The following RBFOX1 variants were observed in gnomAD, a reference collection of about 807,000 sequenced individuals.
RBFOX1 encodes the protein RNA binding fox-1 homolog 1, also known as RNA binding protein fox-1 homolog 1.
In RBFOX1, 8 loss-of-function variants were observed where a neutral mutation model predicts 57.7. The observed-to-expected ratio is 0.14, with a 90% CI of 0.08 to 0.25. The LOEUF is 0.25. Ranked by LOEUF, RBFOX1 falls within the 10% of genes least tolerant of loss-of-function variation. The pLI is 1.00. For missense variants in RBFOX1, 611 were observed against 548.5 expected (o/e 1.11, Z -1.14); for synonymous variants, 326 against 222.4 (o/e 1.47, Z -4.15).
intron 2 of RBFOX1, among the ~76,000 whole-genome samples, chr16:6,549,679 G>A (rs76892929): frequency 0.018 from 2,746 of 152,106 alleles, 82 homozygotes; most frequent in African/African-American, 0.062. Flanking sequence ...ATCCCTAGAC[G>A]ATAGGGCTGG....
chr16:7,218,252 T>C (rs549290286), intron 4 of RBFOX1, among the ~76,000 whole-genome samples: 1 of 152,314 alleles, frequency 6.6e-6, no homozygotes, highest in South Asian at 2.1e-4. Context: ...CATCTGAAAA[T>C]CACTATTCTC....
intron 4 of RBFOX1, among the ~76,000 whole-genome samples, chr16:5,909,412 T>A (rs1479693391): frequency 5.3e-5 from 8 of 151,960 alleles, no homozygotes; most frequent in Admixed American, 2.0e-4. Context: ...CTAAAAAAAA[T>A]AAAATAAAAT....
chr16:6,641,166 C>T (rs550428138), intron 2 of RBFOX1, among the ~76,000 whole-genome samples: 5 of 152,220 alleles, frequency 3.3e-5, no homozygotes, highest in Admixed American at 2.6e-4. Flanking sequence ...ATAATTACCC[C>T]GTAATCTTGT....
chr16:7,579,290 C>T (rs1003818553), intron 5 of RBFOX1, among the ~76,000 whole-genome samples: 2 of 152,184 alleles, frequency 1.3e-5, no homozygotes, highest in African/African-American at 4.8e-5. Flanking sequence ...TTTATCTGCA[C>T]AATTACCTGA....
intron 2 of RBFOX1, among the ~76,000 whole-genome samples, chr16:5,482,992 C>T (rs939781311): frequency 6.6e-6 from 1 of 152,158 alleles, no homozygotes; most frequent in Non-Finnish European, 1.5e-5. Context: ...TGAATAGGGA[C>T]CTTATAGGAC....
Position 6,097,786 on chromosome 16 carries a change from C to G in RBFOX1, c.-127+77794C>G. Among the ~76,000 whole-genome samples the G allele has an allele frequency of 6.6e-6, 1 of 151,512 alleles. No homozygotes were observed. The highest frequency in any genetic ancestry group is 1.9e-4 in the East Asian group (1 of 5,166). ...CTTTTTTTTTTTTTCTTACCACCCT[C>G]CAAAATTCTTATTTATTTATTTTCT... On this transcript the variant is annotated intron_variant, in intron 1 of 15. Coordinates refer to ENST00000550418, the MANE Select transcript of RBFOX1 (RefSeq NM_018723.4). This position sits in a 1 kb window ranked among gnomAD's most constrained non-coding sequence, Gnocchi z 5.0.
At chr16:7,414,510 T>A (rs962278526) in intron 4 of RBFOX1, among the ~76,000 whole-genome samples, 9 of 152,232 alleles carry the variant, frequency 5.9e-5, no homozygotes, top group African/African-American at 1.2e-4. Flanking sequence ...CTTGAGTGTT[T>A]TTCTTTTGAT....
chr16:6,934,860 C>T (rs1423075482), intron 3 of RBFOX1, among the ~76,000 whole-genome samples: 1 of 152,012 alleles, frequency 6.6e-6, no homozygotes, highest in Non-Finnish European at 1.5e-5. Flanking sequence ...CCGAGGCTGG[C>T]AGATGACTTG....
intron 1 of RBFOX1, among the ~76,000 whole-genome samples, chr16:6,235,542 G>T: frequency 7.0e-6 from 1 of 141,956 alleles, no homozygotes; most frequent in Non-Finnish European, 1.5e-5. Context: ...ACTGTGGTGT[G>T]TGTGTGCGTG....
chr16:7,065,997 CA>C (rs369569262), intron 4 of RBFOX1, among the ~76,000 whole-genome samples: 46 of 152,010 alleles, frequency 3.0e-4, no homozygotes, highest in African/African-American at 1.1e-3. Flanking sequence ...TAAATAACAA[CA>C]AAAAAAAACT....
chr16:5,558,103 C>T (rs1264503264), intron 2 of RBFOX1, among the ~76,000 whole-genome samples: 3 of 152,168 alleles, frequency 2.0e-5, no homozygotes, highest in African/African-American at 7.2e-5. Flanking sequence ...TCCCATCACT[C>T]AATAATACCT....
At chr16:6,275,101 T>C (rs1359853001) in intron 1 of RBFOX1, among the ~76,000 whole-genome samples, 1 of 152,142 alleles carries the variant, frequency 6.6e-6, no homozygotes, top group Non-Finnish European at 1.5e-5. Context: ...TAAGTGTGTG[T>C]ACATACCTAC....
chr16:6,223,841 C>T (rs2097395755), intron 1 of RBFOX1, among the ~76,000 whole-genome samples: 1 of 152,256 alleles, frequency 6.6e-6, no homozygotes, highest in Non-Finnish European at 1.5e-5. Context: ...TTAGGTCTAA[C>T]ATTTAAGTCT....
intron 4 of RBFOX1, among the ~76,000 whole-genome samples, chr16:6,006,348 A>G (rs1019913569): frequency 6.6e-6 from 1 of 150,948 alleles, no homozygotes; most frequent in Non-Finnish European, 1.5e-5. Context: ...GTGCACACAC[A>G]AGGATTTGTT....
chr16:6,268,807 A>AT (rs2074859457), intron 1 of RBFOX1, among the ~76,000 whole-genome samples: 2 of 152,266 alleles, frequency 1.3e-5, no homozygotes, highest in African/African-American at 2.4e-5. Flanking sequence ...TGAAGTAAAC[A>AT]TTTTTTCCCT....
At chr16:6,807,279 A>G (rs1334761348) in intron 3 of RBFOX1, among the ~76,000 whole-genome samples, 1 of 152,144 alleles carries the variant, frequency 6.6e-6, no homozygotes, top group African/African-American at 2.4e-5. Flanking sequence ...GATGATGGGA[A>G]CTAAACAGCA....
rs377595900 is a variant in RBFOX1, at chr16:6,882,105, T to A, written c.-15-169952T>A. 6.6e-5 allele frequency among the ~76,000 whole-genome samples: 10 copies of A among 152,262 alleles called. 2 individuals carry two copies. Among genetic ancestry groups the A allele is most frequent in the East Asian group, 1.9e-4 (1 of 5,172 alleles). ...GCCCCCTATTCCCTGCAGGTTAAGA[T>A]GTAAATTATTTAGCAGGAAAGTCAA... On this transcript the variant is annotated intron_variant, in intron 3 of 15. Coordinates refer to ENST00000550418, the MANE Select transcript of RBFOX1 (RefSeq NM_018723.4).
At chr16:5,902,283 G>C (rs1326162259) in intron 4 of RBFOX1, among the ~76,000 whole-genome samples, 1 of 152,142 alleles carries the variant, frequency 6.6e-6, no homozygotes, top group Non-Finnish European at 1.5e-5. Context: ...TAGCCTAAGA[G>C]CCACAGTTGA....
At chr16:7,701,667 G>C (rs1191785085) in intron 14 of RBFOX1, among the ~76,000 whole-genome samples, 1 of 151,070 alleles carries the variant, frequency 6.6e-6, no homozygotes, top group East Asian at 1.9e-4. Context: ...TTGAGGATAA[G>C]TGAGCTTGGT....
Sources: gnomAD v4.1 joint callset for allele counts (sites outside exome capture counted in the v4.1 genomes callset) on GRCh38, gnomAD v4.1.1 for gene constraint, Gnocchi (gnomAD v3.1) non-coding constraint, MANE v1.5 for transcripts, NCBI Gene and HGNC (gene_info 2026-07-23, HGNC 2026-07-21) for gene names.